CNTN4: variants seen among roughly 807,000 people sequenced by gnomAD.
CNTN4 encodes contactin-4.
CNTN4 carries 77 observed loss-of-function variants against 122.5 expected under a neutral mutation model. The observed-to-expected ratio is 0.63, with a 90% CI of 0.52 to 0.76. The LOEUF (loss-of-function observed/expected upper bound fraction) is 0.76, where lower values mean the gene tolerates loss of function less well. CNTN4 is among the 30% of genes least tolerant of loss of function. The pLI is 0.00. For synonymous variants in CNTN4, 512 were observed against 447.0 expected (o/e 1.15, Z -1.83); for missense variants, 1,256 against 1,259.1 (o/e 1.00, Z 0.04).
chr3:2,402,183 G>T (rs1272210886), intron 3 of CNTN4, among the ~76,000 whole-genome samples: 1 of 152,054 alleles, frequency 6.6e-6, no homozygotes, highest in Non-Finnish European at 1.5e-5. Context: ...CTCCCTTGCA[G>T]CTGAATTTAA....
chr3:2,252,201 T>C (rs1435654564), intron 2 of CNTN4, among the ~76,000 whole-genome samples: 1 of 151,966 alleles, frequency 6.6e-6, no homozygotes, highest in African/African-American at 2.4e-5. Flanking sequence ...CCCTCCAACA[T>C]AGTTGAGTGG....
intron 4 of CNTN4, among the ~76,000 whole-genome samples, chr3:2,572,057 A>G (rs953431581): frequency 2.0e-5 from 3 of 152,156 alleles, no homozygotes; most frequent in Non-Finnish European, 2.9e-5. Context: ...GGTTTTTACC[A>G]TATACTCATG....
At chr3:2,935,749 A>AT (rs1182172071) in intron 13 of CNTN4, among the ~76,000 whole-genome samples, 2 of 152,118 alleles carry the variant, frequency 1.3e-5, no homozygotes, top group Non-Finnish European at 2.9e-5. Flanking sequence ...ATTAATGTTC[A>AT]TTTTCCCTAA....
At chr3:2,866,023 TAGTC>T (rs1218710410) in intron 7 of CNTN4, among the ~76,000 whole-genome samples, 3 of 152,204 alleles carry the variant, frequency 2.0e-5, no homozygotes, top group Admixed American at 2.0e-4. Flanking sequence ...ATCAGTCAAC[TAGTC>T]AGTCAGTGTA....
chr3:2,255,597 C>A (rs2040552769), intron 2 of CNTN4, among the ~76,000 whole-genome samples: 1 of 152,136 alleles, frequency 6.6e-6, no homozygotes, highest in Non-Finnish European at 1.5e-5. Flanking sequence ...TCTCTCAGAC[C>A]ACAGTGCAAT....
intron 4 of CNTN4, among the ~76,000 whole-genome samples, chr3:2,608,426 C>G (rs2081346461): frequency 6.6e-6 from 1 of 152,092 alleles, no homozygotes; most frequent in African/African-American, 2.4e-5. Flanking sequence ...TTCCACTGCA[C>G]TACAGCCTGG....
chr3:2,616,020 C>CTTTT (rs35080057), intron 4 of CNTN4, among the ~76,000 whole-genome samples: 1 of 143,012 alleles, frequency 7.0e-6, no homozygotes, highest in Non-Finnish European at 1.5e-5. Context: ...CTCAGGCTGC[C>CTTTT]TTTTTTTTTT....
At chr3:2,136,354 G>T (rs2034691326) in intron 2 of CNTN4, among the ~76,000 whole-genome samples, 1 of 152,058 alleles carries the variant, frequency 6.6e-6, no homozygotes, top group African/African-American at 2.4e-5. Context: ...AGTTTGTGTT[G>T]TTTCTTTCAC....
chr3:2,839,844 G>A lies in CNTN4; in HGVS notation c.454+20263G>A, dbSNP rs575467379. On this transcript the variant is annotated intron_variant, in intron 7 of 24. Transcript: ENST00000418658. Reference sequence around the variant, plus strand: ...GTGTATGCCCGCAGAGCAGTACTAGGCCTTGGTCTTCAATGGGAATCCCTG... The same window carrying A: ...GTGTATGCCCGCAGAGCAGTACTAGACCTTGGTCTTCAATGGGAATCCCTG... Among the ~76,000 whole-genome samples, 10 of 152,274 alleles carry A rather than the reference G, an allele frequency of 6.6e-5. No individual in the cohort carries two copies. The East Asian group carries it at 1.9e-3, about 29-fold the overall frequency.
rs60925207 is a variant in CNTN4, at chr3:2,878,553, C to CTGTG, written c.653-4558_653-4555dup. Among the ~76,000 whole-genome samples the CTGTG allele has an allele frequency of 2.3e-3, 331 of 146,948 alleles. 1 individual carries two copies. Among genetic ancestry groups the CTGTG allele is most frequent in the African/African-American group, 6.2e-3 (245 of 39,722 alleles). On this transcript the variant is annotated intron_variant, in intron 8 of 24. Transcript: ENST00000418658. ...AAGAGAACAACAGAAGAGATGCTCT[C>CTGTG]TGTGTGTGTGTGTGTGTGTGTGTGT...
At chr3:3,019,945 T>C (rs1014227880) in intron 14 of CNTN4, among the ~76,000 whole-genome samples, 1 of 151,844 alleles carries the variant, frequency 6.6e-6, no homozygotes, top group Non-Finnish European at 1.5e-5. Flanking sequence ...GCAAACTTTC[T>C]GTAAGTTTGA....
chr3:2,214,767 A>C (rs949025714), intron 2 of CNTN4, among the ~76,000 whole-genome samples: 3 of 152,170 alleles, frequency 2.0e-5, no homozygotes, highest in Admixed American at 6.5e-5. Context: ...GTTAGGCTGC[A>C]TCCCAGTAGG....
intron 6 of CNTN4, among the ~76,000 whole-genome samples, chr3:2,806,420 G>A (rs1218481138): frequency 1.3e-5 from 2 of 152,192 alleles, no homozygotes; most frequent in Non-Finnish European, 2.9e-5. Flanking sequence ...AGGGAGGGCT[G>A]TCAGGCCGCA....
At chr3:2,305,637 T>C (rs1396859753) in intron 2 of CNTN4, among the ~76,000 whole-genome samples, 2 of 152,160 alleles carry the variant, frequency 1.3e-5, no homozygotes, top group South Asian at 2.1e-4. Context: ...TTTTTCTAAA[T>C]GAGATATTCA....
intron 7 of CNTN4, among the ~76,000 whole-genome samples, chr3:2,855,626 C>T (rs1420513002): frequency 6.6e-6 from 1 of 152,154 alleles, no homozygotes; most frequent in African/African-American, 2.4e-5. Flanking sequence ...TCCAGGTGTT[C>T]CTGTCACCTT....
At chr3:2,141,914 C>T (rs2035015126) in intron 2 of CNTN4, among the ~76,000 whole-genome samples, 1 of 152,182 alleles carries the variant, frequency 6.6e-6, no homozygotes, top group African/African-American at 2.4e-5. Flanking sequence ...TTGAAATGCT[C>T]TAAACCACCA....
intron 4 of CNTN4, among the ~76,000 whole-genome samples, chr3:2,735,654 G>A (rs1052406363): frequency 1.4e-4 from 21 of 152,058 alleles, no homozygotes; most frequent in Non-Finnish European, 5.9e-5. Context: ...CTAGTCCTTC[G>A]CTGCAGATAA....
chr3:2,214,570 C>T (rs147466731), intron 2 of CNTN4, among the ~76,000 whole-genome samples: 118 of 152,214 alleles, frequency 7.8e-4, no homozygotes, highest in Non-Finnish European at 1.5e-3. Context: ...TTATGCATGA[C>T]TGAATTTTGA....
intron 3 of CNTN4, among the ~76,000 whole-genome samples, chr3:2,347,208 A>G (rs192812921): frequency 1.7e-3 from 266 of 152,234 alleles, no homozygotes; most frequent in African/African-American, 6.2e-3. Flanking sequence ...CTCTCATGCA[A>G]CATTCTCAAT....
Sources: gnomAD v4.1 joint callset for allele counts (sites outside exome capture counted in the v4.1 genomes callset) on GRCh38, gnomAD v4.1.1 for gene constraint, MANE v1.5 for transcripts, NCBI Gene and HGNC (gene_info 2026-07-23, HGNC 2026-07-21) for gene names.